The following SHC3 variants were observed in gnomAD, a reference collection of about 807,000 sequenced individuals.
The protein encoded by SHC3 is SHC-transforming protein 3.
In SHC3, 15 loss-of-function variants were observed where a neutral mutation model predicts 60.4. The ratio of observed to expected loss-of-function variants is 0.25; its 90% CI spans 0.17 to 0.38. The LOEUF (loss-of-function observed/expected upper bound fraction) is 0.38. Among genes scored for constraint, SHC3 ranks in the 10% least tolerant of loss-of-function variants. The probability of loss-of-function intolerance (pLI) is 1.00; values close to 1 mark genes in which losing one functional copy is unlikely to be tolerated. For synonymous variants in SHC3, 294 were observed against 325.9 expected, an observed-to-expected ratio of 0.90 and a Z score of 1.05; for missense variants, 677 against 786.1, an observed-to-expected ratio of 0.86 and a Z score of 1.66.
chr9:89,058,848 G>C (rs1265707543), intron 6 of SHC3, among the ~76,000 whole-genome samples: 1 of 146,160 alleles, frequency 6.8e-6, no homozygotes, highest in Non-Finnish European at 1.5e-5. Flanking sequence ...GAGGATGGTG[G>C]TGTTAGGACG....
intron 2 of SHC3, among the ~76,000 whole-genome samples, chr9:89,087,302 T>A (rs777499210): frequency 5.3e-5 from 8 of 152,250 alleles, no homozygotes; most frequent in Non-Finnish European, 1.2e-4. Flanking sequence ...GAAGATCACC[T>A]TGCCATAGCA....
intron 11 of SHC3, among the ~76,000 whole-genome samples, chr9:89,035,433 T>G (rs1824555741): frequency 6.6e-6 from 1 of 152,140 alleles, no homozygotes; most frequent in Non-Finnish European, 1.5e-5. Flanking sequence ...GAGGAAGGAC[T>G]CACACCACCA....
rs185564282 is a variant in SHC3, at chr9:89,057,489, C to T, written c.836-5326G>A. On this transcript the variant is annotated intron_variant, in intron 6 of 11. Coordinates refer to ENST00000375835, the MANE Select transcript of SHC3 (RefSeq NM_016848.6). ...TGGGAATTTAAAAGTCTAAAAATGC[C>T]AATTGTTGAATAAAAGGAGACTTCA... is the stretch of plus-strand genomic sequence containing the variant. Among the ~76,000 whole-genome samples, 166 of 151,818 alleles carry T rather than the reference C, an allele frequency of 1.1e-3. 1 individual carries two copies. Among genetic ancestry groups the T allele is most frequent in the South Asian group, 1.7e-3 (8 of 4,800 alleles).
chr9:89,163,684 T>C (rs540004878), intron 1 of SHC3, among the ~76,000 whole-genome samples: 28 of 151,044 alleles, frequency 1.9e-4, no homozygotes, highest in African/African-American at 6.6e-4. Context: ...GCATGGCACA[T>C]GTATACATAT....
At position 89,038,399 on chromosome 9, in the gene SHC3, C is replaced by A. The variant is rs2117873411; in HGVS notation, c.1361-111G>T. 6 of 1,201,928 alleles carry A rather than the reference C, an allele frequency of 5.0e-6. No individual in the cohort carries two copies. The South Asian group carries it at 9.8e-5, about 20-fold the overall frequency. 74.5% of individuals were successfully genotyped at this position (1,201,928 alleles called of 1,614,324 possible). A position where few individuals can be genotyped will look rare whatever the true frequency, so the allele number is the denominator to read the frequency against. ...GATGGAAATGCAAAGGCAACTCCTC[C>A]AGAAGGGGAAAACAAAAACCAATGG... On this transcript the variant is annotated intron_variant, in intron 10 of 11. Transcript: ENST00000375835.
In SHC3 at chr9:89,031,363, GC is replaced by G. The variant is rs374313042; in HGVS notation, c.1656+6629del. Among the ~76,000 whole-genome samples the G allele has an allele frequency of 1.7e-3, 253 of 152,184 alleles. 1 individual carries two copies. Among genetic ancestry groups the G allele is most frequent in the African/African-American group, 5.7e-3 (238 of 41,502 alleles). ...CATTTTCATCACCATAAAAAGAAAT[GC>G]CATACCTTTCAGCTATCACCTCCCT... On this transcript the variant is annotated intron_variant, in intron 11 of 11. Transcript: ENST00000375835.
At chr9:89,048,333 T>C (rs1191791778) in intron 7 of SHC3, among the ~76,000 whole-genome samples, 1 of 151,968 alleles carries the variant, frequency 6.6e-6, no homozygotes, top group Non-Finnish European at 1.5e-5. Context: ...TCAAATATTA[T>C]TAAGAACTCT....
chr9:89,153,332 CT>C (rs2118222172), intron 1 of SHC3, among the ~76,000 whole-genome samples: 1 of 152,270 alleles, frequency 6.6e-6, no homozygotes, highest in East Asian at 1.9e-4. Flanking sequence ...GTCTGATGCC[CT>C]ACTTATAAGG....
intron 1 of SHC3, among the ~76,000 whole-genome samples, chr9:89,142,877 T>C (rs968714332): frequency 2.0e-5 from 3 of 152,032 alleles, no homozygotes; most frequent in African/African-American, 7.2e-5. Flanking sequence ...CCTTTGGAGT[T>C]CACCAGAAAG....
intron 11 of SHC3, among the ~76,000 whole-genome samples, chr9:89,026,132 G>A (rs1826294532): frequency 6.6e-6 from 1 of 151,808 alleles, no homozygotes; most frequent in African/African-American, 2.4e-5. Flanking sequence ...GTGCATGCCT[G>A]TAATCCAGCT....
At chr9:89,173,331 GC>G (rs1481322063) in intron 1 of SHC3, among the ~76,000 whole-genome samples, 1 of 152,254 alleles carries the variant, frequency 6.6e-6, no homozygotes, top group African/African-American at 2.4e-5. Flanking sequence ...AGCCAGTCTT[GC>G]AAGTGGGTTC....
At chr9:89,049,375 T>C (rs1824826200) in intron 7 of SHC3, among the ~76,000 whole-genome samples, 1 of 152,186 alleles carries the variant, frequency 6.6e-6, no homozygotes, top group African/African-American at 2.4e-5. Context: ...ACATTTTCTT[T>C]CCCCAAAAGT....
intron 10 of SHC3, among the ~76,000 whole-genome samples, chr9:89,041,483 T>C (rs979109353): frequency 3.9e-5 from 6 of 152,074 alleles, no homozygotes; most frequent in Admixed American, 3.9e-4. Flanking sequence ...CAGTAAATAT[T>C]TGGAGTGAGG....
Position 89,127,782 on chromosome 9 carries a change from C to CT in SHC3, c.475-15157_475-15156insA, listed in dbSNP as rs199581715. Among the ~76,000 whole-genome samples, 936 of 152,012 alleles carry CT rather than the reference C, an allele frequency of 6.2e-3. 10 individuals carry two copies. The highest frequency in any genetic ancestry group is 0.021 in the African/African-American group (879 of 41,482). On this transcript the variant is annotated intron_variant, in intron 1 of 11. Transcript: ENST00000375835. ...GGTATGGCAATGTCCCCACTCCACC[C>CT]CCCCCCACCACTGAGAAATAAAACT...
intron 1 of SHC3, among the ~76,000 whole-genome samples, chr9:89,163,625 G>C (rs916895013): frequency 2.8e-5 from 4 of 142,004 alleles, no homozygotes; most frequent in Non-Finnish European, 6.1e-5. Flanking sequence ...GGATAGCATC[G>C]GGAGATATAC....
intron 1 of SHC3, among the ~76,000 whole-genome samples, chr9:89,117,422 G>T (rs1826033672): frequency 6.6e-6 from 1 of 152,064 alleles, no homozygotes; most frequent in African/African-American, 2.4e-5. Context: ...ATGCTTATTG[G>T]CCATTTGCAT....
At chr9:89,157,248 C>CAT (rs1826635853) in intron 1 of SHC3, among the ~76,000 whole-genome samples, 2 of 152,302 alleles carry the variant, frequency 1.3e-5, no homozygotes, top group South Asian at 4.1e-4. Flanking sequence ...TCGGGTGGCC[C>CAT]ATACATATAA....
At chr9:89,175,412 A>G (rs1444178947) in intron 1 of SHC3, among the ~76,000 whole-genome samples, 3 of 152,234 alleles carry the variant, frequency 2.0e-5, no homozygotes, top group African/African-American at 7.2e-5. Context: ...TCCTTCATTA[A>G]TTCACATTCT....
intron 4 of SHC3, among the ~76,000 whole-genome samples, chr9:89,071,816 C>T (rs771203811): frequency 3.9e-5 from 6 of 152,184 alleles, no homozygotes; most frequent in Non-Finnish European, 8.8e-5. Context: ...CTTGAAACAG[C>T]CTTCTTAACA....
Sources: allele counts gnomAD v4.1 joint callset (sites outside exome capture counted in the v4.1 genomes callset), GRCh38; gene constraint gnomAD v4.1.1; transcripts MANE v1.5; gene names NCBI Gene and HGNC (gene_info 2026-07-23, HGNC 2026-07-21).